Variants in CCDC60 observed in about 807,000 individuals in gnomAD.
CCDC60 encodes the protein coiled-coil domain-containing protein 60.
CCDC60 carries 54 observed loss-of-function variants against 63.5 expected under a neutral mutation model. That is an observed-to-expected ratio of 0.85 (90% CI 0.68 to 1.07). CCDC60 has a LOEUF of 1.07. CCDC60 is among the 50% of genes least tolerant of loss of function. The pLI is 0.00. For synonymous variants in CCDC60, 206 were observed against 238.8 expected, an observed-to-expected ratio of 0.86 and a Z score of 1.27; for missense variants, 651 against 684.3, an observed-to-expected ratio of 0.95 and a Z score of 0.54.
intron 1 of CCDC60, among the ~76,000 whole-genome samples, chr12:119,351,601 C>T (rs1480860787): frequency 6.6e-6 from 1 of 152,170 alleles, no homozygotes; most frequent in East Asian, 1.9e-4. Flanking sequence ...TTTAAACAAC[C>T]AGATCTTGTA....
At chr12:119,482,800 G>A (rs1951356414) in intron 4 of CCDC60, among the ~76,000 whole-genome samples, 1 of 152,038 alleles carries the variant, frequency 6.6e-6, no homozygotes, top group South Asian at 2.1e-4. Context: ...GCTTATGTGT[G>A]TACACCCAGC....
chr12:119,340,836 T>A (rs1171254419), intron 1 of CCDC60, among the ~76,000 whole-genome samples: 3 of 152,176 alleles, frequency 2.0e-5, no homozygotes, highest in Admixed American at 6.5e-5. Context: ...CTCTGGCCTC[T>A]AATCACTGAG....
chr12:119,510,924 G>C (rs114501220), intron 7 of CCDC60, among the ~76,000 whole-genome samples: 1 of 152,122 alleles, frequency 6.6e-6, no homozygotes, highest in Admixed American at 6.5e-5. Context: ...AGCTGCAAAG[G>C]ATGTTGAAAA....
intron 4 of CCDC60, among the ~76,000 whole-genome samples, chr12:119,482,049 ATG>A (rs1951337554): frequency 1.4e-5 from 2 of 145,024 alleles, no homozygotes; most frequent in Admixed American, 1.4e-4. Context: ...ATGTATATAT[ATG>A]TGTGTATATA....
chr12:119,381,143 C>T (rs2136185571), intron 1 of CCDC60, among the ~76,000 whole-genome samples: 1 of 152,288 alleles, frequency 6.6e-6, no homozygotes, highest in Non-Finnish European at 1.5e-5. Flanking sequence ...CAGTGAAACA[C>T]TTCATTTGAA....
chr12:119,507,712 C>A (rs1309457782), intron 7 of CCDC60, among the ~76,000 whole-genome samples: 1 of 147,578 alleles, frequency 6.8e-6, no homozygotes, highest in Non-Finnish European at 1.5e-5. Flanking sequence ...AACTCCTGGG[C>A]TCAAACAACC....
intron 13 of CCDC60, among the ~76,000 whole-genome samples, chr12:119,539,321 G>A (rs1953092438): frequency 6.6e-6 from 1 of 152,226 alleles, no homozygotes; most frequent in African/African-American, 2.4e-5. Flanking sequence ...CTCTGTCCCA[G>A]GGAGATGGGA....
intron 1 of CCDC60, among the ~76,000 whole-genome samples, chr12:119,387,145 C>A (rs1593009668): frequency 6.6e-6 from 1 of 152,110 alleles, no homozygotes; most frequent in East Asian, 1.9e-4. Flanking sequence ...TTTACGCAGG[C>A]TAGGCAAAGT....
At position 119,445,817 on chromosome 12, in the gene CCDC60, G is replaced by A. The variant is rs566594626; in HGVS notation, c.170+17055G>A. Among the ~76,000 whole-genome samples, 6 of 152,280 alleles carry A rather than the reference G, an allele frequency of 3.9e-5. No individual in the cohort carries two copies. In the South Asian group the frequency reaches 8.3e-4, roughly 21 times the overall value. ...TGGATGAGATTTGGGACTATTCTTC[G>A]AAGTGGAGTAACTCAGGAATGGAAA... On this transcript the variant is annotated intron_variant, in intron 2 of 13. Coordinates refer to ENST00000327554, the MANE Select transcript of CCDC60 (RefSeq NM_178499.5).
Position 119,408,016 on chromosome 12 carries a change from T to G in CCDC60, c.91-20667T>G, listed in dbSNP as rs997927741. On this transcript the variant is annotated intron_variant, in intron 1 of 13. Transcript: ENST00000327554. ...CTTTATTTTATTAGAAATAAAAAGG[T>G]TTTTTTTAAATGCATATGGGAGCCA... 7.2e-5 allele frequency among the ~76,000 whole-genome samples: 11 copies of G among 151,998 alleles called. 1 individual carries two copies. The highest frequency in any genetic ancestry group is 3.3e-4 in the Admixed American group (5 of 15,266).
intron 2 of CCDC60, among the ~76,000 whole-genome samples, chr12:119,432,243 T>C (rs942208893): frequency 6.6e-6 from 1 of 152,008 alleles, no homozygotes; most frequent in Non-Finnish European, 1.5e-5. Flanking sequence ...GCCATCTGAG[T>C]AGGGACAGCA....
intron 1 of CCDC60, among the ~76,000 whole-genome samples, chr12:119,343,674 A>C (rs1028199298): frequency 6.7e-6 from 1 of 149,750 alleles, no homozygotes; most frequent in Middle Eastern, 3.6e-3. Flanking sequence ...ATATATATAT[A>C]TATATATATA....
chr12:119,531,253 T>C (rs562476327), intron 13 of CCDC60, among the ~76,000 whole-genome samples, 190 bp downstream of exon 13: 3 of 152,268 alleles, frequency 2.0e-5, no homozygotes, highest in African/African-American at 7.2e-5. Flanking sequence ...TTATATTCTA[T>C]ATAAATGGTA....
intron 2 of CCDC60, among the ~76,000 whole-genome samples, chr12:119,443,735 T>C (rs1950488010): frequency 6.6e-6 from 1 of 152,204 alleles, no homozygotes; most frequent in Non-Finnish European, 1.5e-5. Flanking sequence ...CCTGATTTAA[T>C]GTATTCACAG....
intron 3 of CCDC60, among the ~76,000 whole-genome samples, chr12:119,475,086 A>T (rs116190573): frequency 0.026 from 3,995 of 152,250 alleles, 161 homozygotes; most frequent in African/African-American, 0.091. Context: ...TTGACTCCTC[A>T]TTGGTGTAGA....
intron 2 of CCDC60, among the ~76,000 whole-genome samples, chr12:119,465,853 C>G (rs1950944661): frequency 6.6e-6 from 1 of 152,136 alleles, no homozygotes; most frequent in Non-Finnish European, 1.5e-5. Flanking sequence ...CAGACCATGG[C>G]CACTCATACT....
At chr12:119,534,810 C>T (rs1218190296) in intron 13 of CCDC60, among the ~76,000 whole-genome samples, 6 of 152,138 alleles carry the variant, frequency 3.9e-5, no homozygotes, top group African/African-American at 7.2e-5. Flanking sequence ...CTGCTGGACT[C>T]GGTTTGCCAG....
chr12:119,354,041 C>T (rs1955690554), intron 1 of CCDC60, among the ~76,000 whole-genome samples: 1 of 146,382 alleles, frequency 6.8e-6, no homozygotes, highest in South Asian at 2.3e-4. Context: ...GCTATCTGCT[C>T]TCTCCCTGCT....
intron 1 of CCDC60, among the ~76,000 whole-genome samples, chr12:119,360,697 G>A (rs183503110): frequency 0.014 from 2,154 of 152,028 alleles, 50 homozygotes; most frequent in African/African-American, 0.05. Context: ...ATGTGATGGC[G>A]GCCGGGAAGA....
Sources: gnomAD v4.1 joint callset for allele counts (sites outside exome capture counted in the v4.1 genomes callset) on GRCh38, gnomAD v4.1.1 for gene constraint, MANE v1.5 for transcripts, NCBI Gene and HGNC (gene_info 2026-07-23, HGNC 2026-07-21) for gene names.